Variants in DGKH observed in about 807,000 individuals in gnomAD.
The protein encoded by DGKH is DAG kinase eta.
A neutral mutation model predicts 159.3 loss-of-function variants in DGKH; 90 were observed. The observed-to-expected ratio is 0.57, with a 90% confidence interval of 0.48 to 0.67. DGKH has a LOEUF of 0.67. DGKH is among the 30% of genes least tolerant of loss of function. The probability of loss-of-function intolerance (pLI) is 0.00; values close to 1 mark genes in which losing one functional copy is unlikely to be tolerated. For missense variants in DGKH, 1,181 were observed against 1,506.1 expected, an observed-to-expected ratio of 0.78 and a Z score of 3.57; for synonymous variants, 536 against 553.8, an observed-to-expected ratio of 0.97 and a Z score of 0.45.
chr13:42,160,285 A>T (rs1594117509), intron 7 of DGKH, 149 bp downstream of exon 7: 3 of 1,098,814 alleles, frequency 2.7e-6, no homozygotes, highest in Non-Finnish European at 4.0e-6. Flanking sequence ...CTTTCCTTAC[A>T]GTATAGTCCT....
chr13:42,174,195 GA>G lies in DGKH; in HGVS notation c.1452+61del, dbSNP rs758551803. ...TTTGAAATGGGGGTGGATATCTTGA[GA>G]AAAAAAAAAGAAAGAGAGAGAAAAT... On this transcript the variant is annotated intron_variant, in intron 12 of 29. Coordinates refer to ENST00000337343, the MANE Select transcript of DGKH (RefSeq NM_178009.5). 1.1e-3 allele frequency: 1,324 copies of G among 1,187,956 alleles called. 1 individual carries two copies. Among genetic ancestry groups the G allele is most frequent in the East Asian group, 2.6e-3 (95 of 37,174 alleles). 73.6% of individuals were successfully genotyped at this position (1,187,956 alleles called of 1,614,324 possible).
intron 1 of DGKH, among the ~76,000 whole-genome samples, chr13:42,102,204 T>C (rs186991187): frequency 6.6e-6 from 1 of 152,312 alleles, no homozygotes; most frequent in East Asian, 1.9e-4. Flanking sequence ...CTGGAGGCTG[T>C]GGAGACACTA....
At chr13:42,113,708 C>T (rs566185668) in intron 1 of DGKH, among the ~76,000 whole-genome samples, 3 of 152,306 alleles carry the variant, frequency 2.0e-5, no homozygotes, top group Admixed American at 6.5e-5. Flanking sequence ...GATCAAATGA[C>T]TTCCCTTCCA....
At chr13:42,205,962 GT>G in intron 20 of DGKH, 76 bp from the exon 21 acceptor site, 1 of 832,096 alleles carries the variant, frequency 1.2e-6, no homozygotes, top group Non-Finnish European at 1.7e-6. Context: ...CATCTTTAGT[GT>G]TTTAGTATCT....
chr13:42,160,177 C>G (rs760236496), intron 7 of DGKH, 41 bp downstream of exon 7: 1 of 1,612,648 alleles, frequency 6.2e-7, no homozygotes, highest in African/African-American at 1.3e-5. Flanking sequence ...TAATTAGCTT[C>G]TTTCCCTAAC....
chr13:42,177,697 C>T (rs1315314082), intron 12 of DGKH, among the ~76,000 whole-genome samples: 3 of 152,274 alleles, frequency 2.0e-5, no homozygotes, highest in East Asian at 3.9e-4. Flanking sequence ...TTTGGAGCTG[C>T]ATGGTGGTAC....
intron 1 of DGKH, among the ~76,000 whole-genome samples, chr13:42,066,939 TA>T (rs141332020): frequency 0.028 from 4,285 of 152,280 alleles, 190 homozygotes; most frequent in African/African-American, 0.095. Flanking sequence ...ACATTTTGTT[TA>T]AAGAATGTAT....
At chr13:42,141,681 G>A (rs1955564555) in intron 3 of DGKH, among the ~76,000 whole-genome samples, 1 of 152,022 alleles carries the variant, frequency 6.6e-6, no homozygotes, top group Admixed American at 6.5e-5. Flanking sequence ...TGTGTCTTTT[G>A]GCTGTATAAA....
chr13:42,219,680 G>T lies in DGKH; in HGVS notation c.3334-6G>T. 1 of 1,610,324 alleles carries T rather than the reference G, an allele frequency of 6.2e-7. No homozygotes were observed. The highest frequency in any genetic ancestry group is 1.1e-5 in the South Asian group (1 of 90,082). On this transcript the variant is annotated splice_polypyrimidine_tract_variant and splice_region_variant and intron_variant, in intron 27 of 29. Transcript: ENST00000337343. ...AAAAAATTATTTTCTTGCTCGATTT[G>T]AACAGGAACCTCCTATGGATTGCAC...
intron 23 of DGKH, among the ~76,000 whole-genome samples, chr13:42,209,874 A>G (rs1485906961): frequency 6.6e-6 from 1 of 152,140 alleles, no homozygotes; most frequent in African/African-American, 2.4e-5. Flanking sequence ...TTGGACAAAG[A>G]TATAATCACT....
chr13:42,096,118 A>AG (rs1434857771), intron 1 of DGKH, among the ~76,000 whole-genome samples: 1 of 151,896 alleles, frequency 6.6e-6, no homozygotes, highest in African/African-American at 2.4e-5. Context: ...TTTTATGTTC[A>AG]GGGGGGTCCA....
chr13:42,058,500 G>C (rs541562248), intron 1 of DGKH, among the ~76,000 whole-genome samples: 1 of 152,272 alleles, frequency 6.6e-6, no homozygotes, highest in East Asian at 1.9e-4. Context: ...CAATGAAATG[G>C]AGTGAGCCAG....
At chr13:42,078,115 A>G (rs1169568404) in intron 1 of DGKH, among the ~76,000 whole-genome samples, 1 of 152,222 alleles carries the variant, frequency 6.6e-6, no homozygotes, top group Admixed American at 6.5e-5. Context: ...AAATATAAAT[A>G]TGATACATCA....
upstream of DGKH, among the ~76,000 whole-genome samples, chr13:42,046,292 G>T (rs1252436773): frequency 1.3e-5 from 2 of 152,174 alleles, no homozygotes; most frequent in South Asian, 4.1e-4. Context: ...TGGTTGAAAT[G>T]GTTGGAAAGA....
intron 26 of DGKH, among the ~76,000 whole-genome samples, chr13:42,218,410 A>C (rs2138236044): frequency 6.6e-6 from 1 of 150,832 alleles, no homozygotes; most frequent in South Asian, 2.1e-4. Context: ...CCTTAAGCCT[A>C]TTCTTTAAAT....
intron 1 of DGKH, among the ~76,000 whole-genome samples, chr13:42,078,909 C>CTTTTTTTTTTTTTTTTT (rs55801562): frequency 1.1e-5 from 1 of 93,576 alleles, no homozygotes; most frequent in Non-Finnish European, 1.9e-5. Context: ...GTATATTCTC[C>CTTTTTTTTTTTTTTTTT]TTTTTTTTTT....
At chr13:42,133,764 GT>G (rs1202172595) in intron 3 of DGKH, among the ~76,000 whole-genome samples, 2 of 152,162 alleles carry the variant, frequency 1.3e-5, no homozygotes, top group Non-Finnish European at 2.9e-5. Flanking sequence ...GGACTAAAAA[GT>G]TAGGCAGATT....
intron 2 of DGKH, among the ~76,000 whole-genome samples, chr13:42,129,078 G>A (rs1955233185): frequency 6.6e-6 from 1 of 152,214 alleles, no homozygotes; most frequent in African/African-American, 2.4e-5. Flanking sequence ...TACCTCATTT[G>A]AACGCATAGT....
chr13:42,244,943 TAC>T (rs1958569725), downstream of DGKH, among the ~76,000 whole-genome samples: 1 of 103,070 alleles, frequency 9.7e-6, no homozygotes, highest in Non-Finnish European at 1.9e-5. Flanking sequence ...AAGAACAACA[TAC>T]ACAATCTTAT....
Sources: allele counts gnomAD v4.1 joint callset (sites outside exome capture counted in the v4.1 genomes callset), GRCh38; gene constraint gnomAD v4.1.1; transcripts MANE v1.5; gene names NCBI Gene and HGNC (gene_info 2026-07-23, HGNC 2026-07-21).